The following SGCZ variants were observed in gnomAD, a reference collection of about 807,000 sequenced individuals.
The protein encoded by SGCZ is zeta-sarcoglycan.
SGCZ carries 40 observed loss-of-function variants against 41.3 expected under a neutral mutation model. The observed-to-expected ratio is 0.97, with a 90% CI of 0.75 to 1.26. The LOEUF is 1.26. Ranked by LOEUF, SGCZ falls within the 50% of genes most tolerant of loss-of-function variation. The probability of loss-of-function intolerance (pLI) is 0.00; values close to 1 mark genes in which losing one functional copy is unlikely to be tolerated. For missense variants in SGCZ, 552 were observed against 369.8 expected, an observed-to-expected ratio of 1.49 and a Z score of -4.04; for synonymous variants, 206 against 137.5, an observed-to-expected ratio of 1.50 and a Z score of -3.49.
chr8:14,977,116 C>T (rs763445138), intron 1 of SGCZ, among the ~76,000 whole-genome samples: 6 of 152,146 alleles, frequency 3.9e-5, no homozygotes, highest in Non-Finnish European at 5.9e-5. Flanking sequence ...TATTTATTCA[C>T]CAAAGGATAC....
At chr8:14,870,745 C>T (rs1275718743) in intron 1 of SGCZ, among the ~76,000 whole-genome samples, 2 of 151,918 alleles carry the variant, frequency 1.3e-5, no homozygotes, top group African/African-American at 2.4e-5. Flanking sequence ...AAAAGACAAC[C>T]CTGTCAAAAA....
At chr8:15,191,760 T>C (rs1194709197) in intron 1 of SGCZ, among the ~76,000 whole-genome samples, 3 of 152,088 alleles carry the variant, frequency 2.0e-5, no homozygotes, top group Non-Finnish European at 2.9e-5. Context: ...AAAATACTGA[T>C]ATATTTCAGA....
intron 1 of SGCZ, among the ~76,000 whole-genome samples, chr8:15,125,898 C>A (rs1249798203): frequency 6.6e-6 from 1 of 152,172 alleles, no homozygotes; most frequent in Non-Finnish European, 1.5e-5. Context: ...GTAATCCCAG[C>A]AGTTTGGGAA....
chr8:14,925,683 G>A (rs1384453827), intron 1 of SGCZ, among the ~76,000 whole-genome samples: 1 of 152,194 alleles, frequency 6.6e-6, no homozygotes, highest in Admixed American at 6.5e-5. Flanking sequence ...AGTGTGGCAA[G>A]GTTTGAGTCC....
chr8:14,533,409 G>T (rs1461850), intron 2 of SGCZ, among the ~76,000 whole-genome samples: 82,612 of 151,924 alleles, frequency 0.54, 22,779 homozygotes, highest in Middle Eastern at 0.68. Flanking sequence ...AATTTTTGAA[G>T]AGTTTATTGA....
At chr8:15,045,884 T>C (rs1292870663) in intron 1 of SGCZ, among the ~76,000 whole-genome samples, 2 of 152,010 alleles carry the variant, frequency 1.3e-5, no homozygotes, top group Non-Finnish European at 2.9e-5. Flanking sequence ...CCAAGAATAC[T>C]CTCCACCACT....
At chr8:14,887,076 A>G (rs1023733654) in intron 1 of SGCZ, among the ~76,000 whole-genome samples, 3 of 152,132 alleles carry the variant, frequency 2.0e-5, no homozygotes, top group Non-Finnish European at 4.4e-5. Flanking sequence ...AACAGGTTGA[A>G]GGAGGGCCAA....
chr8:14,239,505 T>C (rs1420479196), intron 3 of SGCZ, among the ~76,000 whole-genome samples: 3 of 152,164 alleles, frequency 2.0e-5, no homozygotes, highest in Non-Finnish European at 4.4e-5. Flanking sequence ...TTAAAATATA[T>C]GACACTATAT....
At chr8:14,099,750 T>C (rs752156837) in intron 7 of SGCZ, among the ~76,000 whole-genome samples, 1 of 152,154 alleles carries the variant, frequency 6.6e-6, no homozygotes, top group Non-Finnish European at 1.5e-5. Flanking sequence ...TATTAATTAT[T>C]TTTCTTTGAT....
chr8:15,219,134 A>T (rs1184266199), intron 1 of SGCZ, among the ~76,000 whole-genome samples: 2 of 152,186 alleles, frequency 1.3e-5, no homozygotes, highest in Admixed American at 6.5e-5. Context: ...ACTTTTTTAC[A>T]AGATACTTGG....
At chr8:14,492,370 G>A (rs1432257829) in intron 2 of SGCZ, among the ~76,000 whole-genome samples, 1 of 152,084 alleles carries the variant, frequency 6.6e-6, no homozygotes, top group East Asian at 1.9e-4. Context: ...AAATATTGTT[G>A]ATAAGTTAAT....
intron 1 of SGCZ, among the ~76,000 whole-genome samples, chr8:14,762,337 A>AG (rs1799912205): frequency 6.6e-6 from 1 of 151,740 alleles, no homozygotes; most frequent in African/African-American, 2.4e-5. Context: ...GAAAGGACAT[A>AG]GGATCACATC....
At chr8:14,914,025 G>C (rs912848989) in intron 1 of SGCZ, among the ~76,000 whole-genome samples, 3 of 151,924 alleles carry the variant, frequency 2.0e-5, no homozygotes, top group Admixed American at 6.6e-5. Context: ...ATTCTTAATA[G>C]TCAGTTTATA....
At chr8:14,102,321 C>CTT in intron 7 of SGCZ, 55 bp downstream of exon 7, 1 of 1,349,160 alleles carries the variant, frequency 7.4e-7, no homozygotes, top group Non-Finnish European at 9.6e-7. Flanking sequence ...CATCTAAATA[C>CTT]TTGTGTTTTC....
chr8:14,990,066 C>T lies in SGCZ; in HGVS notation c.39+247519G>A, dbSNP rs1189440137. Among the ~76,000 whole-genome samples, 3 of 152,060 alleles carry T rather than the reference C, an allele frequency of 2.0e-5. No individual in the cohort carries two copies. In the East Asian group the frequency reaches 5.8e-4, roughly 29 times the overall value. On this transcript the variant is annotated intron_variant, in intron 1 of 7. Transcript: ENST00000382080. Reference sequence around the variant, plus strand: ...TATTTGCTGATAACCAATGCCTTACCCTCCCAGTGCTAACCCAAAATCATG... The same window carrying T: ...TATTTGCTGATAACCAATGCCTTACTCTCCCAGTGCTAACCCAAAATCATG...
intron 4 of SGCZ, 95 bp downstream of exon 4, chr8:14,237,497 A>AACGACG: frequency 8.6e-7 from 1 of 1,158,652 alleles, no homozygotes; most frequent in African/African-American, 1.6e-5. Flanking sequence ...CAACAACAAC[A>AACGACG]ACAACAACAA....
chr8:15,217,284 G>T (rs1305785614), intron 1 of SGCZ, among the ~76,000 whole-genome samples: 2 of 151,600 alleles, frequency 1.3e-5, no homozygotes, highest in Admixed American at 1.3e-4. Flanking sequence ...GGGCGTGTTG[G>T]CGGGCGCCTG....
chr8:14,779,926 T>C (rs1800533724), intron 1 of SGCZ, among the ~76,000 whole-genome samples: 1 of 152,196 alleles, frequency 6.6e-6, no homozygotes, highest in South Asian at 2.1e-4. Flanking sequence ...AGATTAGAAA[T>C]AATTAAATTA....
At chr8:14,685,513 T>C (rs1808584569) in intron 1 of SGCZ, among the ~76,000 whole-genome samples, 1 of 152,138 alleles carries the variant, frequency 6.6e-6, no homozygotes, top group African/African-American at 2.4e-5. Context: ...CAACATACTT[T>C]GGTTAATTCA....
Sources: allele counts gnomAD v4.1 joint callset (sites outside exome capture counted in the v4.1 genomes callset), GRCh38; gene constraint gnomAD v4.1.1; transcripts MANE v1.5; gene names NCBI Gene and HGNC (gene_info 2026-07-23, HGNC 2026-07-21).